PPFIA2: variants seen among roughly 807,000 people sequenced by gnomAD.
The protein encoded by PPFIA2 is liprin-alpha-2.
A neutral mutation model predicts 175.5 loss-of-function variants in PPFIA2; 46 were observed. The observed-to-expected ratio is 0.26, with a 90% CI of 0.21 to 0.34. PPFIA2 has a LOEUF of 0.34. Among genes scored for constraint, PPFIA2 ranks in the 10% least tolerant of loss-of-function variants. PPFIA2 has a pLI of 1.00. For missense variants in PPFIA2, 1,179 were observed against 1,506.1 expected, an observed-to-expected ratio of 0.78 and a Z score of 3.60; for synonymous variants, 568 against 511.4, an observed-to-expected ratio of 1.11 and a Z score of -1.49.
intron 22 of PPFIA2, chr12:81,302,136 G>A (rs773823600): frequency 5.4e-5 from 21 of 387,190 alleles, no homozygotes; most frequent in Non-Finnish European, 1.5e-5. Flanking sequence ...AGTAAATTGT[G>A]TCCTATAATG....
At chr12:81,301,640 C>T (rs11114816) in intron 22 of PPFIA2, among the ~76,000 whole-genome samples, 4,137 of 152,252 alleles carry the variant, frequency 0.027, 203 homozygotes, top group African/African-American at 0.095. Context: ...ATCTATCGTA[C>T]CCGCGCCATC....
chr12:81,321,916 C>A (rs1187931178), intron 22 of PPFIA2, among the ~76,000 whole-genome samples: 1 of 152,146 alleles, frequency 6.6e-6, no homozygotes, highest in East Asian at 1.9e-4. Context: ...CTCACTGTAA[C>A]CCCGAATTCA....
At chr12:81,669,115 T>C (rs1234270176) in intron 4 of PPFIA2, among the ~76,000 whole-genome samples, 1 of 152,014 alleles carries the variant, frequency 6.6e-6, no homozygotes, top group African/African-American at 2.4e-5. Context: ...TGATTTTCTC[T>C]ACTGTTATTT....
chr12:81,312,323 T>C, intron 22 of PPFIA2: 1 of 716,282 alleles, frequency 1.4e-6, no homozygotes, highest in Admixed American at 2.6e-5. Context: ...CATTTTGTAT[T>C]TCATCATGAC....
chr12:81,638,854 A>G (rs1482318376), intron 4 of PPFIA2, among the ~76,000 whole-genome samples: 2 of 149,670 alleles, frequency 1.3e-5, no homozygotes, highest in Non-Finnish European at 3.0e-5. Context: ...CGCCCGGCTA[A>G]TTTTTTGTAT....
At chr12:81,291,660 A>G (rs1045397420) in intron 24 of PPFIA2, among the ~76,000 whole-genome samples, 1 of 152,048 alleles carries the variant, frequency 6.6e-6, no homozygotes, top group East Asian at 1.9e-4. Flanking sequence ...GAAGAAAAGA[A>G]GAACTGTAAA....
chr12:81,470,442 G>A (rs1439548310), intron 4 of PPFIA2, among the ~76,000 whole-genome samples: 1 of 152,230 alleles, frequency 6.6e-6, no homozygotes, highest in Non-Finnish European at 1.5e-5. Context: ...TGGCAAAGAT[G>A]CAGAGGAGCC....
intron 16 of PPFIA2, among the ~76,000 whole-genome samples, chr12:81,357,334 CA>C (rs2061002703): frequency 6.6e-6 from 1 of 151,974 alleles, no homozygotes; most frequent in Non-Finnish European, 1.5e-5. Flanking sequence ...AGTTCAAACC[CA>C]AAAGTCATCA....
intron 4 of PPFIA2, among the ~76,000 whole-genome samples, chr12:81,536,735 T>G (rs962121625): frequency 7.4e-5 from 8 of 108,800 alleles, no homozygotes; most frequent in Non-Finnish European, 1.3e-4. Flanking sequence ...CACAAATATA[T>G]ATACATAAAC....
chr12:81,579,599 C>A (rs1219653794), intron 4 of PPFIA2, among the ~76,000 whole-genome samples: 1 of 151,752 alleles, frequency 6.6e-6, no homozygotes, highest in Non-Finnish European at 1.5e-5. Flanking sequence ...GTTTGGTATC[C>A]TCACAATGCA....
At chr12:81,644,109 A>G (rs1038969759) in intron 4 of PPFIA2, among the ~76,000 whole-genome samples, 6 of 152,068 alleles carry the variant, frequency 3.9e-5, no homozygotes, top group African/African-American at 1.4e-4. Context: ...ATAATACACC[A>G]CAGAAAGATT....
intron 8 of PPFIA2, among the ~76,000 whole-genome samples, chr12:81,389,380 T>C (rs144487131): frequency 6.6e-6 from 1 of 151,792 alleles, no homozygotes; most frequent in African/African-American, 2.4e-5. Flanking sequence ...TAACTATAGA[T>C]AGTAATCAGG....
chr12:81,709,103 T>G, intron 3 of PPFIA2, among the ~76,000 whole-genome samples: 1 of 152,142 alleles, frequency 6.6e-6, no homozygotes, highest in East Asian at 1.9e-4. Flanking sequence ...CTCTCTCATC[T>G]TTCTTATTGT....
chr12:81,645,984 G>A (rs749514700), intron 4 of PPFIA2, among the ~76,000 whole-genome samples: 3 of 152,218 alleles, frequency 2.0e-5, no homozygotes, highest in Admixed American at 6.5e-5. Context: ...GATAACCAAA[G>A]CCATCTGCCC....
intron 9 of PPFIA2, among the ~76,000 whole-genome samples, chr12:81,381,984 C>T (rs552599886): frequency 6.6e-6 from 1 of 151,998 alleles, no homozygotes; most frequent in Non-Finnish European, 1.5e-5. Context: ...AGAAAAAAAC[C>T]CTAGCTCTTA....
intron 4 of PPFIA2, among the ~76,000 whole-genome samples, chr12:81,654,711 G>A (rs2067516662): frequency 6.6e-6 from 1 of 152,070 alleles, no homozygotes; most frequent in Non-Finnish European, 1.5e-5. Context: ...TAAACACTAA[G>A]CAGAGGATTC....
At chr12:81,625,001 A>G (rs972621063) in intron 4 of PPFIA2, among the ~76,000 whole-genome samples, 1 of 151,866 alleles carries the variant, frequency 6.6e-6, no homozygotes. Context: ...ATAAATCAAT[A>G]CATACATTGC....
chr12:81,453,881 C>T (rs187507422), intron 5 of PPFIA2, among the ~76,000 whole-genome samples: 144 of 152,210 alleles, frequency 9.5e-4, no homozygotes, highest in African/African-American at 3.4e-3. Context: ...AGCAGATTGA[C>T]TTTCCACATG....
At chr12:81,507,736 T>C (rs2061331789) in intron 4 of PPFIA2, among the ~76,000 whole-genome samples, 3 of 152,338 alleles carry the variant, frequency 2.0e-5, no homozygotes, top group Middle Eastern at 3.4e-3. Context: ...ACGCTAGGCA[T>C]ACTGCTAGAG....
Sources: gnomAD v4.1 joint callset for allele counts (sites outside exome capture counted in the v4.1 genomes callset) on GRCh38, gnomAD v4.1.1 for gene constraint, MANE v1.5 for transcripts, NCBI Gene and HGNC (gene_info 2026-07-23, HGNC 2026-07-21) for gene names.